The following KRIT1 variants were observed in gnomAD, a reference collection of about 807,000 sequenced individuals.
The protein encoded by KRIT1 is KRIT1 ankyrin repeat containing.
Under a neutral mutation model 95.8 loss-of-function variants are expected in KRIT1, and 45 were observed. The observed-to-expected ratio is 0.47, with a 90% CI of 0.37 to 0.60. The LOEUF (loss-of-function observed/expected upper bound fraction) is 0.60, where lower values mean the gene tolerates loss of function less well. Among genes scored for constraint, KRIT1 ranks in the 20% least tolerant of loss-of-function variants. The pLI is 0.00. For synonymous variants in KRIT1, 282 were observed against 278.8 expected, an observed-to-expected ratio of 1.01 and a Z score of -0.11; for missense variants, 788 against 877.5, an observed-to-expected ratio of 0.90 and a Z score of 1.29.
In KRIT1 at chr7:92,200,710, T is replaced by G; in HGVS notation, c.*26A>C. 1.4e-6 allele frequency: 2 copies of G among 1,447,814 alleles called. No individual in the cohort carries two copies. Among genetic ancestry groups the G allele is most frequent in the Non-Finnish European group, 1.9e-6 (2 of 1,028,234 alleles). 89.7% of individuals were successfully genotyped at this position (1,447,814 alleles called of 1,614,324 possible). A position where few individuals can be genotyped will look rare whatever the true frequency, so the allele number is the denominator to read the frequency against. ...AAAAACTCTGCATTACAAAATGTGG[T>G]GGCTTGAGTAACAGTTACTTCTCTT... is the stretch of plus-strand genomic sequence containing the variant. On this transcript the variant is annotated 3_prime_UTR_variant, in exon 19 of 19. Coordinates refer to ENST00000394505, the MANE Select transcript of KRIT1 (RefSeq NM_194454.3).
At chr7:92,227,903 T>C (rs1298653422) in intron 10 of KRIT1, among the ~76,000 whole-genome samples, 1 of 151,940 alleles carries the variant, frequency 6.6e-6, no homozygotes, top group Non-Finnish European at 1.5e-5. Flanking sequence ...TCCCAGCTAC[T>C]ATGGAGGCTG....
At chr7:92,224,018 C>A (rs989574829) in intron 12 of KRIT1, among the ~76,000 whole-genome samples, 3 of 152,126 alleles carry the variant, frequency 2.0e-5, no homozygotes, top group Admixed American at 1.3e-4. Context: ...CATAAGGGTA[C>A]CTGTACTGCT....
chr7:92,203,240 T>C lies in KRIT1; in HGVS notation c.2026-1817A>G, dbSNP rs553680390. Among the ~76,000 whole-genome samples, 4 of 152,348 alleles carry C rather than the reference T, an allele frequency of 2.6e-5. No homozygotes were observed. In the East Asian group the frequency reaches 7.7e-4, roughly 29 times the overall value. ...AAGGTATTTTTGCAGATGAAGGTGT[T>C]TGCTATGTTTTTGCTAAGCTTGTTG... On this transcript the variant is annotated intron_variant, in intron 17 of 18. Coordinates refer to ENST00000394505, the MANE Select transcript of KRIT1 (RefSeq NM_194454.3).
At chr7:92,229,496 C>A (rs755569199) in intron 10 of KRIT1, among the ~76,000 whole-genome samples, 2 of 152,088 alleles carry the variant, frequency 1.3e-5, no homozygotes, top group Non-Finnish European at 2.9e-5. Flanking sequence ...TTAATAGATA[C>A]TTTTCTAAAG....
rs1462881046 is a variant in KRIT1 at position 92,235,514 on chromosome 7, T to C, written c.618A>G (p.Leu206=). Residue 206 remains leucine, a synonymous_variant, in exon 8 of 19, where the codon CTA becomes CTG. Transcript: ENST00000394505. ...TTTCTAGTGCACTATAGCCCATATG[T>C]AGTGAGTTTTCTGTCTGACCTGATT... ...ATESGQTENS[L]HMGYSALEIK... The C allele has an allele frequency of 1.9e-6, 3 of 1,613,832 alleles. No homozygotes were observed. The African/African-American group carries it at 4.0e-5, about 22-fold the overall frequency.
chr7:92,226,729 AC>A, intron 10 of KRIT1, 47 bp from the exon 11 acceptor site: 1 of 1,560,284 alleles, frequency 6.4e-7, no homozygotes, highest in Non-Finnish European at 8.8e-7. Context: ...AAAAAAACTT[AC>A]CTAAAAAGAT....
At chr7:92,232,009 G>A (rs1797407906) in intron 10 of KRIT1, among the ~76,000 whole-genome samples, 1 of 152,144 alleles carries the variant, frequency 6.6e-6, no homozygotes, top group Admixed American at 6.5e-5. Flanking sequence ...TCAGTACACT[G>A]CAACCTCCAC....
At chr7:92,237,928 A>T (rs1798770580) in intron 5 of KRIT1, among the ~76,000 whole-genome samples, 169 bp from the exon 6 acceptor site, 1 of 152,184 alleles carries the variant, frequency 6.6e-6, no homozygotes, top group African/African-American at 2.4e-5. Context: ...ATGCAAAATC[A>T]TTCTGTGGAC....
intron 14 of KRIT1, among the ~76,000 whole-genome samples, chr7:92,217,041 A>G (rs1015640078): frequency 1.3e-5 from 2 of 152,230 alleles, no homozygotes; most frequent in Non-Finnish European, 2.9e-5. Context: ...TTACCAGATT[A>G]TCATGACATT....
At chr7:92,235,846 CATA>C (rs1798342534) in intron 7 of KRIT1, 200 bp from the exon 8 acceptor site, 4 of 497,516 alleles carry the variant, frequency 8.0e-6, no homozygotes, top group Non-Finnish European at 1.4e-5. Flanking sequence ...AAAAAACATG[CATA>C]ATACTGTACA....
chr7:92,216,225 T>C (rs966650164), intron 14 of KRIT1, among the ~76,000 whole-genome samples: 5 of 135,448 alleles, frequency 3.7e-5, no homozygotes, highest in East Asian at 2.1e-4. Context: ...AGAGACTCCA[T>C]CTCAAAAAAA....
chr7:92,215,427 A>G (rs1271489951), intron 14 of KRIT1, among the ~76,000 whole-genome samples: 1 of 152,226 alleles, frequency 6.6e-6, no homozygotes, highest in African/African-American at 2.4e-5. Flanking sequence ...TTGACTAAAA[A>G]GACTTTGCAC....
At chr7:92,226,485 C>G in intron 11 of KRIT1, 41 bp downstream of exon 11, 1 of 1,455,832 alleles carries the variant, frequency 6.9e-7, no homozygotes, top group South Asian at 1.1e-5. Context: ...TTGTTATTCA[C>G]TGCTTGAATA....
intron 17 of KRIT1, among the ~76,000 whole-genome samples, chr7:92,203,609 A>T (rs1046473507): frequency 6.6e-6 from 1 of 152,222 alleles, no homozygotes; most frequent in Non-Finnish European, 1.5e-5. Context: ...AAAGTATTAT[A>T]CATAATATGA....
At chr7:92,245,447 GA>G (rs1026759770) in intron 1 of KRIT1, 4 of 151,562 alleles carry the variant, frequency 2.6e-5, no homozygotes, top group African/African-American at 9.7e-5. Flanking sequence ...TAGATGTGGA[GA>G]TGGTTCAGTC....
intron 10 of KRIT1, among the ~76,000 whole-genome samples, chr7:92,227,675 CA>C (rs1796470298): frequency 6.6e-6 from 1 of 151,134 alleles, no homozygotes; most frequent in African/African-American, 2.4e-5. Flanking sequence ...GCTGGGATTA[CA>C]GGCATGCGCC....
chr7:92,206,816 A>C (rs891015110), intron 17 of KRIT1: 1 of 152,080 alleles, frequency 6.6e-6, no homozygotes, highest in Non-Finnish European at 1.5e-5. Flanking sequence ...ACAAAAGTAC[A>C]TAATCCTGGA....
At chr7:92,203,005 T>C (rs964007445) in intron 17 of KRIT1, among the ~76,000 whole-genome samples, 2 of 152,180 alleles carry the variant, frequency 1.3e-5, no homozygotes, top group Non-Finnish European at 2.9e-5. Context: ...AAACAGTCCA[T>C]TAATATGGCT....
intron 2 of KRIT1, among the ~76,000 whole-genome samples, chr7:92,244,493 T>C (rs1310287579): frequency 6.6e-6 from 1 of 152,230 alleles, no homozygotes; most frequent in Non-Finnish European, 1.5e-5. Flanking sequence ...TTTTTTACCA[T>C]ATCCCCAAAA....
Sources: gnomAD v4.1 joint callset for allele counts (sites outside exome capture counted in the v4.1 genomes callset) on GRCh38, gnomAD v4.1.1 for gene constraint, MANE v1.5 for transcripts, NCBI Gene and HGNC (gene_info 2026-07-23, HGNC 2026-07-21) for gene names.